The following DRC11 variants were observed in gnomAD, a reference collection of about 807,000 sequenced individuals.
DRC11 encodes the protein IQ and AAA domain-containing protein 1.
At chr2:236,479,961 C>T in the DRC11 span, among the ~76,000 whole-genome samples, 30 of 150,552 alleles carry the variant, frequency 2.0e-4, no homozygotes, top group Non-Finnish European at 3.8e-4. This position sits in a 1 kb window ranked among gnomAD's most constrained non-coding sequence, Gnocchi z 4.1. Flanking sequence ...CTGGGAAACA[C>T]TTTATCTCTT....
chr2:236,313,961 C>T, the DRC11 span, among the ~76,000 whole-genome samples: 4 of 152,182 alleles, frequency 2.6e-5, no homozygotes, highest in Admixed American at 1.3e-4. The surrounding 1 kb of genome is among the most constrained non-coding windows in gnomAD (Gnocchi z 4.5). Context: ...GAGAGATCCT[C>T]GTGGGGTTGG....
chr2:236,503,596 C>T, the DRC11 span: 1 of 1,535,142 alleles, frequency 6.5e-7, no homozygotes, highest in Non-Finnish European at 8.8e-7. The surrounding 1 kb of genome is among the most constrained non-coding windows in gnomAD (Gnocchi z 4.9). Flanking sequence ...GGAAAATGAG[C>T]AGCTTTGAAA....
At chr2:236,446,053 TTA>T in the DRC11 span, among the ~76,000 whole-genome samples, 479 of 152,240 alleles carry the variant, frequency 3.1e-3, 3 homozygotes, top group African/African-American at 0.011. The surrounding 1 kb of genome is among the most constrained non-coding windows in gnomAD (Gnocchi z 6.2). Context: ...AGAGAGACAG[TTA>T]TGAGTTCTAT....
chr2:236,432,596 G>A, the DRC11 span, among the ~76,000 whole-genome samples: 1 of 152,002 alleles, frequency 6.6e-6, no homozygotes, highest in Admixed American at 6.6e-5. Flanking sequence ...GCTGTTTTTT[G>A]TATTGGGTTA....
the DRC11 span, among the ~76,000 whole-genome samples, chr2:236,336,028 C>T: frequency 6.6e-6 from 1 of 152,146 alleles, no homozygotes; most frequent in South Asian, 2.1e-4. The surrounding 1 kb of genome is among the most constrained non-coding windows in gnomAD (Gnocchi z 7.3). Flanking sequence ...TGTCTTCCCT[C>T]GCTTCTTTGG....
At chr2:236,448,210 T>A in the DRC11 span, among the ~76,000 whole-genome samples, 1 of 152,118 alleles carries the variant, frequency 6.6e-6, no homozygotes, top group South Asian at 2.1e-4. The surrounding 1 kb of genome is among the most constrained non-coding windows in gnomAD (Gnocchi z 5.3). Context: ...ACCCCAAAGA[T>A]ACACACCTCA....
chr2:236,459,768 T>C, the DRC11 span, among the ~76,000 whole-genome samples: 1 of 151,450 alleles, frequency 6.6e-6, no homozygotes, highest in Non-Finnish European at 1.5e-5. Context: ...TAGCTATCTC[T>C]ATATCCTCAC....
chr2:236,366,401 G>A, the DRC11 span, among the ~76,000 whole-genome samples: 1 of 152,202 alleles, frequency 6.6e-6, no homozygotes, highest in Non-Finnish European at 1.5e-5. Flanking sequence ...TTTTATGACA[G>A]GATGTTATTT....
the DRC11 span, among the ~76,000 whole-genome samples, chr2:236,350,339 G>A: frequency 9.2e-5 from 14 of 152,310 alleles, 1 homozygote; most frequent in Admixed American, 2.6e-4. The surrounding 1 kb of genome is among the most constrained non-coding windows in gnomAD (Gnocchi z 5.2). Flanking sequence ...AGCTTTGGGG[G>A]CACACAGGGT....
At chr2:236,414,670 C>T in the DRC11 span, among the ~76,000 whole-genome samples, 42 of 152,096 alleles carry the variant, frequency 2.8e-4, no homozygotes, top group South Asian at 8.3e-4. Flanking sequence ...GAGCTGAAGA[C>T]GAACATCCCA....
the DRC11 span, among the ~76,000 whole-genome samples, chr2:236,442,082 T>C: frequency 5.9e-5 from 9 of 152,256 alleles, no homozygotes; most frequent in South Asian, 2.1e-4. Context: ...GACTGGGTGA[T>C]AGAACAAGAT....
the DRC11 span, among the ~76,000 whole-genome samples, chr2:236,357,317 A>C: frequency 8.6e-6 from 1 of 116,232 alleles, no homozygotes; most frequent in Non-Finnish European, 1.6e-5. Context: ...AGATCTATAT[A>C]TTATATATAT....
the DRC11 span, chr2:236,408,215 T>C: frequency 3.2e-5 from 25 of 783,820 alleles, no homozygotes; most frequent in South Asian, 3.3e-4. The surrounding 1 kb of genome is among the most constrained non-coding windows in gnomAD (Gnocchi z 5.5). Context: ...TGGCCGATCT[T>C]AGAGATCAAT....
chr2:236,503,600 T>G, the DRC11 span: 4 of 1,543,442 alleles, frequency 2.6e-6, no homozygotes, highest in African/African-American at 5.5e-5. This position sits in a 1 kb window ranked among gnomAD's most constrained non-coding sequence, Gnocchi z 4.9. Context: ...AATGAGCAGC[T>G]TTGAAAGCAC....
the DRC11 span, chr2:236,332,585 A>G: frequency 2.0e-5 from 3 of 152,312 alleles, no homozygotes; most frequent in Non-Finnish European, 2.9e-5. This position sits in a 1 kb window ranked among gnomAD's most constrained non-coding sequence, Gnocchi z 5.1. Context: ...GACCATGACT[A>G]CCTGATCTGA....
the DRC11 span, chr2:236,465,355 C>T: frequency 1.5e-6 from 1 of 673,842 alleles, no homozygotes; most frequent in Non-Finnish European, 2.5e-6. The surrounding 1 kb of genome is among the most constrained non-coding windows in gnomAD (Gnocchi z 6.2). Flanking sequence ...AAATTAATTT[C>T]TGAATTCTTA....
chr2:236,345,323 C>G, the DRC11 span, among the ~76,000 whole-genome samples: 7 of 152,306 alleles, frequency 4.6e-5, no homozygotes, highest in East Asian at 1.9e-4. Flanking sequence ...CCCACCCCCC[C>G]CAACCGCTCC....
At chr2:236,337,669 G>C in the DRC11 span, among the ~76,000 whole-genome samples, 1 of 152,238 alleles carries the variant, frequency 6.6e-6, no homozygotes, top group Non-Finnish European at 1.5e-5. The surrounding 1 kb of genome is among the most constrained non-coding windows in gnomAD (Gnocchi z 4.9). Context: ...CTTTTTTTGT[G>C]TCATTCCCAT....
chr2:236,504,373 CCTT>C, the DRC11 span, among the ~76,000 whole-genome samples: 4 of 152,196 alleles, frequency 2.6e-5, no homozygotes, highest in African/African-American at 9.7e-5. The surrounding 1 kb of genome is among the most constrained non-coding windows in gnomAD (Gnocchi z 5.0). Flanking sequence ...GTTGTTTCCG[CCTT>C]CTTTGCTGCT....
Sources: gnomAD v4.1 joint callset for allele counts (sites outside exome capture counted in the v4.1 genomes callset) on GRCh38, gnomAD v4.1.1 for gene constraint, Gnocchi (gnomAD v3.1) non-coding constraint, MANE v1.5 for transcripts, NCBI Gene and HGNC (gene_info 2026-07-23, HGNC 2026-07-21) for gene names.